Variants in TOPBP1 observed in about 807,000 individuals in gnomAD.
TOPBP1 encodes DNA topoisomerase 2-binding protein 1.
A neutral mutation model predicts 167.7 loss-of-function variants in TOPBP1; 28 were observed. The ratio of observed to expected loss-of-function variants is 0.17; its 90% CI spans 0.12 to 0.23. TOPBP1 has a LOEUF of 0.23. TOPBP1 is among the 10% of genes least tolerant of loss of function. The pLI is 1.00. For synonymous variants in TOPBP1, 598 were observed against 611.4 expected, an observed-to-expected ratio of 0.98 and a Z score of 0.32; for missense variants, 1,554 against 1,809.6, an observed-to-expected ratio of 0.86 and a Z score of 2.56.
intron 16 of TOPBP1, among the ~76,000 whole-genome samples, chr3:133,624,937 T>TATG (rs923692986): frequency 1.2e-4 from 19 of 152,318 alleles, no homozygotes; most frequent in African/African-American, 4.6e-4. Flanking sequence ...ACTATTATAT[T>TATG]ATGCTATGAT....
chr3:133,624,269 C>A, intron 16 of TOPBP1, 94 bp from the exon 17 acceptor site: 1 of 1,418,684 alleles, frequency 7.0e-7, no homozygotes, highest in Non-Finnish European at 9.6e-7. Flanking sequence ...ATATTCTGAC[C>A]TTCCCAAAAC....
rs545488401 is a variant in TOPBP1, at chr3:133,623,764, T to C, written c.2928+288A>G. Among the ~76,000 whole-genome samples the C allele has an allele frequency of 9.8e-5, 15 of 152,318 alleles. No homozygotes were observed. In the East Asian group the frequency reaches 2.9e-3, roughly 29 times the overall value. ...AACACAGATCTAAACTCTATTGATA[T>C]GTTAAATTTTCCCCAAATAATTATA... On this transcript the variant is annotated intron_variant, in intron 17 of 27. Coordinates refer to ENST00000260810, the MANE Select transcript of TOPBP1 (RefSeq NM_007027.4).
Position 133,623,092 on chromosome 3 carries a change from T to C in TOPBP1, c.3177A>G (p.Gly1059=). 6.5e-7 allele frequency: 1 copy of C among 1,530,778 alleles called. No individual in the cohort carries two copies. The highest frequency in any genetic ancestry group is 1.3e-5 in the South Asian group (1 of 75,316). The allele number at this position is 1,530,778 out of a possible 1,614,324, so 94.8% of individuals were successfully genotyped here. A position where few individuals can be genotyped will look rare whatever the true frequency, so the allele number is the denominator to read the frequency against. Residue 1059 remains glycine (G), a splice_region_variant and synonymous_variant, in exon 19 of 28, where the codon GGA becomes GGG. Transcript: ENST00000260810. ...TAATTAAAAAATAAAATATTTTACCTCCTTTAGAGTCATTCTTTCCACTTC... is the reference window on the plus strand; with the variant it reads ...TAATTAAAAAATAAAATATTTTACCCCCTTTAGAGTCATTCTTTCCACTTC... ...SNGSGKNDSK[G]VLTQTLEMRE...
chr3:133,601,506 A>C lies in TOPBP1; in HGVS notation c.4426-113T>G, dbSNP rs1209257699. 3 of 851,278 alleles carry C rather than the reference A, an allele frequency of 3.5e-6. No homozygotes were observed. The Admixed American group carries it at 1.1e-4, about 30-fold the overall frequency. 52.7% of individuals were successfully genotyped at this position (851,278 alleles called of 1,614,324 possible). ...TCTCAGGGATGAATCTGACAAACTTAAAGGAAAACGCATATTCATTCCTAG... is the reference window on the plus strand; with the variant it reads ...TCTCAGGGATGAATCTGACAAACTTCAAGGAAAACGCATATTCATTCCTAG... On this transcript the variant is annotated intron_variant, in intron 27 of 27. Coordinates refer to ENST00000260810, the MANE Select transcript of TOPBP1 (RefSeq NM_007027.4).
intron 4 of TOPBP1, 58 bp from the exon 5 acceptor site, chr3:133,656,915 TATACACTATCTCATAA>T: frequency 7.2e-7 from 1 of 1,389,288 alleles, no homozygotes; most frequent in Non-Finnish European, 9.4e-7. Flanking sequence ...CTTCCACTTT[TATACACTATCTCATAA>T]ATACATTTTG....
Position 133,643,181 on chromosome 3 carries a change from C to T in TOPBP1, c.2021+19G>A, listed in dbSNP as rs1460686867. 1 of 1,549,036 alleles carries T rather than the reference C, an allele frequency of 6.5e-7. No individual in the cohort carries two copies. The highest frequency in any genetic ancestry group is 1.2e-5 in the South Asian group (1 of 80,254). On this transcript the variant is annotated intron_variant, in intron 12 of 27. Transcript: ENST00000260810. ...AAAAGATACACCAATACAACAGGTG[C>T]ATTAAAAATATTACATACCTTGCTC...
intron 27 of TOPBP1, among the ~76,000 whole-genome samples, chr3:133,606,865 G>T (rs1488878580): frequency 2.6e-5 from 4 of 151,878 alleles, no homozygotes; most frequent in Non-Finnish European, 5.9e-5. Context: ...ATTTGTAATA[G>T]GTCATAGAGC....
intron 13 of TOPBP1, 64 bp downstream of exon 13, chr3:133,639,895 C>A: frequency 1.3e-6 from 2 of 1,510,002 alleles, no homozygotes; most frequent in Non-Finnish European, 1.8e-6. Context: ...AGCATTGGCA[C>A]ATTTATATCC....
In TOPBP1 at chr3:133,656,868, A is replaced by G; in HGVS notation, c.364-11T>C. The G allele has an allele frequency of 1.3e-6, 2 of 1,553,052 alleles. No homozygotes were observed. Among genetic ancestry groups the G allele is most frequent in the Non-Finnish European group, 1.7e-6 (2 of 1,150,788 alleles). ...TTTATGAACTTCTTCCTGCAGCCCCAAAAGAGAACACATTAATGCTGAAGC... is the reference window on the plus strand; with the variant it reads ...TTTATGAACTTCTTCCTGCAGCCCCGAAAGAGAACACATTAATGCTGAAGC... On this transcript the variant is annotated splice_polypyrimidine_tract_variant and intron_variant, in intron 4 of 27. Transcript: ENST00000260810.
At chr3:133,607,622 T>C (rs1241427068) in intron 27 of TOPBP1, among the ~76,000 whole-genome samples, 1 of 152,052 alleles carries the variant, frequency 6.6e-6, no homozygotes, top group African/African-American at 2.4e-5. Flanking sequence ...TCAAGGGAAG[T>C]GCTTATTGGA....
chr3:133,631,926 C>A (rs1260580508), intron 14 of TOPBP1, among the ~76,000 whole-genome samples: 1 of 152,016 alleles, frequency 6.6e-6, no homozygotes, highest in Admixed American at 6.6e-5. Flanking sequence ...GCGTGAGCCA[C>A]TGCGCCTGGC....
In TOPBP1 at chr3:133,657,890, G is replaced by T; in HGVS notation, c.271C>A (p.Gln91Lys). The change falls in exon 4 of 28, where the codon CAG (glutamine) becomes AAG (lysine). Residue 91 changes from glutamine (Q) to lysine (K), a missense_variant. Transcript: ENST00000260810. Reference sequence around the variant, plus strand: ...TGTTCGGCTCTTGGGACACATCGCTGGTGGTGCATACAAAATATGACTACT... The same window carrying T: ...TGTTCGGCTCTTGGGACACATCGCTTGTGGTGCATACAAAATATGACTACT... Reference protein sequence around the residue: ...PQVVIFCMHHQRCVPRAEHPV... With the variant: ...PQVVIFCMHHKRCVPRAEHPV... 10 of 1,598,478 alleles carry T rather than the reference G, an allele frequency of 6.3e-6. No homozygotes were observed. Among genetic ancestry groups the T allele is most frequent in the Non-Finnish European group, 8.5e-6 (10 of 1,173,978 alleles).
intron 12 of TOPBP1, among the ~76,000 whole-genome samples, chr3:133,640,522 C>T (rs1935861070): frequency 6.6e-6 from 1 of 152,130 alleles, no homozygotes; most frequent in African/African-American, 2.4e-5. Context: ...GCCATCCTCC[C>T]ACCTCAGCCT....
intron 25 of TOPBP1, 66 bp from the exon 26 acceptor site, chr3:133,609,028 T>A: frequency 8.2e-7 from 1 of 1,214,618 alleles, no homozygotes; most frequent in Admixed American, 2.3e-5. Flanking sequence ...AGATAATGCA[T>A]GATTTTATCT....
intron 10 of TOPBP1, among the ~76,000 whole-genome samples, chr3:133,644,649 C>T (rs560963780): frequency 6.6e-6 from 1 of 152,168 alleles, no homozygotes; most frequent in Admixed American, 6.5e-5. Context: ...ATAGCTCCAA[C>T]AGGACTTAGT....
At position 133,649,797 on chromosome 3, in the gene TOPBP1, C is replaced by A. The variant is rs1298312197; in HGVS notation, c.1236G>T (p.Trp412Cys). 6.2e-7 allele frequency: 1 copy of A among 1,601,144 alleles called. No individual in the cohort carries two copies. The highest frequency in any genetic ancestry group is 8.5e-7 in the Non-Finnish European group (1 of 1,176,852). ...GDYDDELKQF[W>C]NKSAHRPHVV... is the part of the protein sequence containing the mutation. ...AAAAAAACCTGTGGGCTGATTTATT[C>A]CAAAACTGCTTCAATTCATCATCAT... Residue 412 changes from tryptophan to cysteine, a missense_variant, in exon 9 of 28, where the codon TGG becomes TGT. By Grantham distance (215) the Trp-to-Cys change is radical. Around this residue, in one of 3 missense-constraint regions of TOPBP1, gnomAD observed 1,197 missense variants for 1,351.5 expected, o/e 0.89. Coordinates refer to ENST00000260810, the MANE Select transcript of TOPBP1 (RefSeq NM_007027.4).
chr3:133,643,424 G>T, intron 11 of TOPBP1, 52 bp from the exon 12 acceptor site: 1 of 1,440,336 alleles, frequency 6.9e-7, no homozygotes, highest in Non-Finnish European at 9.3e-7. Flanking sequence ...GCAACCAGTG[G>T]TTAACACTGG....
chr3:133,640,223 A>C (rs957951648), intron 12 of TOPBP1, 53 bp from the exon 13 acceptor site: 18 of 1,452,218 alleles, frequency 1.2e-5, no homozygotes, highest in Admixed American at 5.9e-5. Flanking sequence ...ATTAACCCGC[A>C]AAACTAACAA....
rs1934284352 is a variant in TOPBP1 at position 133,601,245 on chromosome 3, T to C, written c.*5A>G. ...TAATGTTTGGTAACTAAAGGGTAGATGCGATTAGTGTACTCTAGGTCGTTT... is the reference window on the plus strand; with the variant it reads ...TAATGTTTGGTAACTAAAGGGTAGACGCGATTAGTGTACTCTAGGTCGTTT... On this transcript the variant is annotated 3_prime_UTR_variant, in exon 28 of 28. Transcript: ENST00000260810. 1 of 1,592,876 alleles carries C rather than the reference T, an allele frequency of 6.3e-7. No individual in the cohort carries two copies. Among genetic ancestry groups the C allele is most frequent in the African/African-American group, 1.4e-5 (1 of 73,386 alleles).
Sources: gnomAD v4.1 joint callset for allele counts (sites outside exome capture counted in the v4.1 genomes callset) on GRCh38, gnomAD v4.1.1 for gene constraint, gnomAD v4.1.1 regional missense constraint, MANE v1.5 for transcripts, NCBI Gene and HGNC (gene_info 2026-07-23, HGNC 2026-07-21) for gene names.